The following TMEFF2 variants were observed in gnomAD, a reference collection of about 807,000 sequenced individuals.
TMEFF2 encodes the protein tomoregulin-2.
Under a neutral mutation model 53.8 loss-of-function variants are expected in TMEFF2, and 28 were observed. The ratio of observed to expected loss-of-function variants is 0.52; its 90% CI spans 0.39 to 0.71. The LOEUF (loss-of-function observed/expected upper bound fraction) is 0.71. Among genes scored for constraint, TMEFF2 ranks in the 30% least tolerant of loss-of-function variants. The pLI is 0.00. For missense variants in TMEFF2, 353 were observed against 455.2 expected, an observed-to-expected ratio of 0.78 and a Z score of 2.04; for synonymous variants, 162 against 166.3, an observed-to-expected ratio of 0.97 and a Z score of 0.20.
chr2:192,135,677 A>C (rs1689985291), intron 4 of TMEFF2, among the ~76,000 whole-genome samples: 1 of 152,102 alleles, frequency 6.6e-6, no homozygotes. Flanking sequence ...GAAGGCAGGA[A>C]TGTCAGGCCT....
At position 192,103,944 on chromosome 2, in the gene TMEFF2, T is replaced by C. The variant is rs142120366; in HGVS notation, c.440-46169A>G. ...TGCTGTGAAGTTTATTATAAGACCT[T>C]TGGCATTTACTCTGAGCAAGATGGA... On this transcript the variant is annotated intron_variant, in intron 4 of 9. Transcript: ENST00000272771. Among the ~76,000 whole-genome samples, 582 of 151,978 alleles carry C rather than the reference T, an allele frequency of 3.8e-3. 4 individuals carry two copies. The highest frequency in any genetic ancestry group is 0.013 in the African/African-American group (557 of 41,482).
chr2:192,091,966 TAA>T (rs985565463), intron 4 of TMEFF2, among the ~76,000 whole-genome samples: 4 of 152,154 alleles, frequency 2.6e-5, no homozygotes, highest in Non-Finnish European at 5.9e-5. Flanking sequence ...TACTTCCTCT[TAA>T]AAGTTTTAAA....
chr2:192,136,915 T>C (rs1157521040), intron 4 of TMEFF2, among the ~76,000 whole-genome samples: 1 of 152,190 alleles, frequency 6.6e-6, no homozygotes, highest in Non-Finnish European at 1.5e-5. Flanking sequence ...TTCAAATAAT[T>C]TGGCAGTTAT....
chr2:192,166,192 T>C (rs958919679), intron 4 of TMEFF2, among the ~76,000 whole-genome samples: 4 of 152,196 alleles, frequency 2.6e-5, no homozygotes, highest in Non-Finnish European at 5.9e-5. Flanking sequence ...TTCCAAGCAT[T>C]GACATTGTTT....
At chr2:192,027,068 C>T (rs1261911958) in intron 5 of TMEFF2, among the ~76,000 whole-genome samples, 1 of 152,108 alleles carries the variant, frequency 6.6e-6, no homozygotes, top group Non-Finnish European at 1.5e-5. Context: ...CTAACAATAA[C>T]TTAAATAAGA....
intron 7 of TMEFF2, among the ~76,000 whole-genome samples, chr2:191,981,129 C>G (rs183135522): frequency 6.6e-6 from 1 of 151,970 alleles, no homozygotes; most frequent in East Asian, 1.9e-4. Context: ...TTAGTGACTC[C>G]CCTATTGAGC....
chr2:191,994,569 A>G (rs1447249605), intron 7 of TMEFF2, among the ~76,000 whole-genome samples: 1 of 151,290 alleles, frequency 6.6e-6, no homozygotes, highest in Non-Finnish European at 1.5e-5. Context: ...CATGAGGGAC[A>G]CACACACACA....
chr2:191,982,949 G>A (rs746579534), intron 7 of TMEFF2, among the ~76,000 whole-genome samples: 6 of 152,136 alleles, frequency 3.9e-5, no homozygotes, highest in Non-Finnish European at 8.8e-5. Context: ...TAAGATTGAG[G>A]TGGAGCTTGC....
intron 7 of TMEFF2, among the ~76,000 whole-genome samples, chr2:191,957,739 A>G (rs1329428204): frequency 6.6e-6 from 1 of 152,166 alleles, no homozygotes; most frequent in Non-Finnish European, 1.5e-5. Flanking sequence ...CCAAATTTGT[A>G]AGGGATTTAC....
At chr2:192,122,001 TAAC>T (rs1327947828) in intron 4 of TMEFF2, among the ~76,000 whole-genome samples, 1 of 152,192 alleles carries the variant, frequency 6.6e-6, no homozygotes, top group East Asian at 1.9e-4. Context: ...TGACTTTAGT[TAAC>T]AATAATTTAT....
chr2:191,973,970 G>A (rs1318335938), intron 7 of TMEFF2, among the ~76,000 whole-genome samples: 1 of 152,156 alleles, frequency 6.6e-6, no homozygotes, highest in Non-Finnish European at 1.5e-5. Flanking sequence ...TCAGATCTGT[G>A]AGTCAATTAA....
intron 7 of TMEFF2, among the ~76,000 whole-genome samples, chr2:191,972,308 CTTTTTTTT>C (rs764218539): frequency 1.4e-5 from 1 of 72,830 alleles, no homozygotes; most frequent in Non-Finnish European, 2.6e-5. Context: ...TCATGCCCAG[CTTTTTTTT>C]TTTTTTTTTT....
At chr2:192,001,513 A>G (rs1406611472) in intron 5 of TMEFF2, among the ~76,000 whole-genome samples, 1 of 152,180 alleles carries the variant, frequency 6.6e-6, no homozygotes, top group East Asian at 1.9e-4. Flanking sequence ...GCATGACAAA[A>G]TGGTGCAAAG....
At chr2:192,141,810 A>G (rs1690145812) in intron 4 of TMEFF2, among the ~76,000 whole-genome samples, 1 of 152,136 alleles carries the variant, frequency 6.6e-6, no homozygotes, top group Non-Finnish European at 1.5e-5. Flanking sequence ...AAAGAAGGTG[A>G]CCAAAATCGA....
At chr2:192,067,511 A>C (rs564885153) in intron 4 of TMEFF2, among the ~76,000 whole-genome samples, 1 of 151,990 alleles carries the variant, frequency 6.6e-6, no homozygotes, top group South Asian at 2.1e-4. Flanking sequence ...CAGGAAAATT[A>C]ATGTGAATAA....
chr2:192,075,332 T>TATATATATATATACAC lies in TMEFF2; in HGVS notation c.440-17558_440-17557insGTGTATATATATATAT, dbSNP rs796267672. Among the ~76,000 whole-genome samples, 12 of 88,146 alleles carry TATATATATATATACAC rather than the reference T, an allele frequency of 1.4e-4. 1 individual carries two copies. Among genetic ancestry groups the TATATATATATATACAC allele is most frequent in the African/African-American group, 4.9e-4 (12 of 24,366 alleles). 57.8% of individuals were successfully genotyped at this position (88,146 alleles called of 152,430 possible). A position where few individuals can be genotyped will look rare whatever the true frequency, so the allele number is the denominator to read the frequency against. The stretch of plus-strand genomic sequence containing the variant: ...ATATATATATATATATATATATATA[T>TATATATATATATACAC]ACATACATACTATGTATATCCTTGC... On this transcript the variant is annotated intron_variant, in intron 4 of 9. Transcript: ENST00000272771.
chr2:192,171,816 T>C (rs2106024501), intron 4 of TMEFF2, among the ~76,000 whole-genome samples: 1 of 152,160 alleles, frequency 6.6e-6, no homozygotes, highest in East Asian at 1.9e-4. Context: ...TGCATCACAC[T>C]CATTACCATA....
chr2:192,184,506 C>T (rs1442996151), intron 2 of TMEFF2, 23 bp from the exon 3 acceptor site: 15 of 1,612,334 alleles, frequency 9.3e-6, no homozygotes, highest in Admixed American at 1.7e-5. Context: ...CAGATGTAAG[C>T]CTATAGTTAG....
At chr2:192,030,761 A>C (rs1428443988) in intron 5 of TMEFF2, 1 of 152,164 alleles carries the variant, frequency 6.6e-6, no homozygotes, top group Non-Finnish European at 1.5e-5. Flanking sequence ...GAATACAGTA[A>C]ATGTGAAAGA....
Sources: gnomAD v4.1 joint callset for allele counts (sites outside exome capture counted in the v4.1 genomes callset) on GRCh38, gnomAD v4.1.1 for gene constraint, MANE v1.5 for transcripts, NCBI Gene and HGNC (gene_info 2026-07-23, HGNC 2026-07-21) for gene names.